Variants in MFSD6 observed in about 807,000 individuals in gnomAD.
MFSD6 encodes major facilitator superfamily domain-containing protein 6.
In MFSD6, 26 loss-of-function variants were observed where a neutral mutation model predicts 56.3. The ratio of observed to expected loss-of-function variants is 0.46; its 90% confidence interval spans 0.34 to 0.64. The LOEUF is 0.64. MFSD6 is among the 30% of genes least tolerant of loss of function. The probability of loss-of-function intolerance (pLI) is 0.01; values close to 1 mark genes in which losing one functional copy is unlikely to be tolerated. For synonymous variants in MFSD6, 331 were observed against 366.9 expected, an observed-to-expected ratio of 0.90 and a Z score of 1.12; for missense variants, 750 against 986.2, an observed-to-expected ratio of 0.76 and a Z score of 3.21.
rs912540843 is a variant in MFSD6, at chr2:190,413,905, T to A, written c.-175-1387T>A. On this transcript the variant is annotated intron_variant, in intron 1 of 7. Transcript: ENST00000392328. This position sits in a 1 kb window ranked among gnomAD's most constrained non-coding sequence, Gnocchi z 4.1. ...CTGAGCACTGGAGCAGTGGCAGGAGTGGGTCCCTGTGAGTCACGCTGGGAA... is the reference window on the plus strand; with the variant it reads ...CTGAGCACTGGAGCAGTGGCAGGAGAGGGTCCCTGTGAGTCACGCTGGGAA... Among the ~76,000 whole-genome samples the A allele has an allele frequency of 6.6e-6, 1 of 151,926 alleles. No individual in the cohort carries two copies. Among genetic ancestry groups the A allele is most frequent in the Admixed American group, 6.6e-5 (1 of 15,258 alleles).
In MFSD6 at chr2:190,496,932, G is replaced by A. The variant is rs1251702071; in HGVS notation, c.1892-507G>A. Among the ~76,000 whole-genome samples the A allele has an allele frequency of 6.6e-6, 1 of 152,000 alleles. No individual in the cohort carries two copies. Among genetic ancestry groups the A allele is most frequent in the Admixed American group, 6.6e-5 (1 of 15,258 alleles). On this transcript the variant is annotated intron_variant, in intron 6 of 7. Coordinates refer to ENST00000392328, the MANE Select transcript of MFSD6 (RefSeq NM_017694.4). The surrounding 1 kb of genome is among the most constrained non-coding windows in gnomAD (Gnocchi z 4.7). ...GGGGAAAGGGTGGGAAAGGGGTGAG[G>A]GATACAAGACTACAAATTGGGTTCA... is the stretch of plus-strand genomic sequence containing the variant.
At chr2:190,440,120 G>A (rs1391520156) in intron 3 of MFSD6, among the ~76,000 whole-genome samples, 1 of 152,202 alleles carries the variant, frequency 6.6e-6, no homozygotes, top group African/African-American at 2.4e-5. Flanking sequence ...TGTCCTGTTG[G>A]AAGTTTGTTT....
rs1187439648 is a variant in MFSD6, at chr2:190,436,383, C to T, written c.354C>T (p.Ala118=). The change falls in exon 3 of 8, where the codon GCC becomes GCT. Residue 118 remains alanine, a synonymous_variant. Transcript: ENST00000392328. The surrounding 1 kb of genome is among the most constrained non-coding windows in gnomAD (Gnocchi z 5.3). ...GTTACTTCATTGAATTCTGCAGTGC[C>T]CCCTTTTGGGGTGTAGTTGCAGACC... ...GIRYFIEFCS[A]PFWGVVADRF... 3 of 1,614,048 alleles carry T rather than the reference C, an allele frequency of 1.9e-6. No homozygotes were observed. Among genetic ancestry groups the T allele is most frequent in the African/African-American group, 2.7e-5 (2 of 74,922 alleles).
upstream of MFSD6, chr2:190,408,333 C>T (rs1690388021): frequency 6.6e-6 from 1 of 151,990 alleles, no homozygotes; most frequent in Admixed American, 6.6e-5. Flanking sequence ...CTCGCCTCGC[C>T]TCGCCGCGCC....
chr2:190,476,357 A>G (rs1270960849), intron 4 of MFSD6, among the ~76,000 whole-genome samples: 3 of 152,246 alleles, frequency 2.0e-5, no homozygotes, highest in Admixed American at 2.0e-4. Context: ...AAACAAATTT[A>G]TAAGAAAAAA....
intron 4 of MFSD6, among the ~76,000 whole-genome samples, chr2:190,479,460 C>T (rs778385134): frequency 6.6e-6 from 1 of 152,164 alleles, no homozygotes; most frequent in Non-Finnish European, 1.5e-5. Context: ...ATATTTATTT[C>T]TCAAGACCTC....
intron 4 of MFSD6, among the ~76,000 whole-genome samples, chr2:190,486,517 C>A (rs902420565): frequency 6.6e-6 from 1 of 152,236 alleles, no homozygotes; most frequent in African/African-American, 2.4e-5. Flanking sequence ...AGATTTCAGA[C>A]TCTCATCAGT....
chr2:190,438,015 T>C lies in MFSD6; in HGVS notation c.1532+454T>C, dbSNP rs780734276. 1.3e-5 allele frequency among the ~76,000 whole-genome samples: 2 copies of C among 152,186 alleles called. No individual in the cohort carries two copies. Among genetic ancestry groups the C allele is most frequent in the Non-Finnish European group, 2.9e-5 (2 of 68,022 alleles). On this transcript the variant is annotated intron_variant, in intron 3 of 7. Transcript: ENST00000392328. The surrounding 1 kb of genome is among the most constrained non-coding windows in gnomAD (Gnocchi z 5.2). The stretch of plus-strand genomic sequence containing the variant: ...ATAGATAGAGCCTGAATATATGGCA[T>C]CTAAAGATGTCCATTATATCTAATA...
rs1206142729 is a variant in MFSD6 at position 190,485,566 on chromosome 2, G to T, written c.1631-3091G>T. 1.3e-5 allele frequency among the ~76,000 whole-genome samples: 2 copies of T among 152,040 alleles called. No individual in the cohort carries two copies. Among genetic ancestry groups the T allele is most frequent in the Non-Finnish European group, 2.9e-5 (2 of 67,986 alleles). On this transcript the variant is annotated intron_variant, in intron 4 of 7. Coordinates refer to ENST00000392328, the MANE Select transcript of MFSD6 (RefSeq NM_017694.4). The surrounding 1 kb of genome is among the most constrained non-coding windows in gnomAD (Gnocchi z 5.1). ...GAAAAAAAATCTGCATATGTGAAAA[G>T]AAATGGACTTAGCATCATCTTTAAT...
chr2:190,418,102 C>T lies in MFSD6; in HGVS notation c.-54+2689C>T, dbSNP rs976681419. Among the ~76,000 whole-genome samples, 1 of 151,924 alleles carries T rather than the reference C, an allele frequency of 6.6e-6. No individual in the cohort carries two copies. Among genetic ancestry groups the T allele is most frequent in the African/African-American group, 2.4e-5 (1 of 41,332 alleles). On this transcript the variant is annotated intron_variant, in intron 2 of 7. Coordinates refer to ENST00000392328, the MANE Select transcript of MFSD6 (RefSeq NM_017694.4). The surrounding 1 kb of genome is among the most constrained non-coding windows in gnomAD (Gnocchi z 4.1). Reference sequence around the variant, plus strand: ...TTTTGGGATCCCTGTCTCATAGCTGCACAGTGCATTGAGAGTCAGTACCTG... The same window carrying T: ...TTTTGGGATCCCTGTCTCATAGCTGTACAGTGCATTGAGAGTCAGTACCTG...
rs939671082 is a variant in MFSD6 at position 190,451,492 on chromosome 2, G to A, written c.1532+13931G>A. Among the ~76,000 whole-genome samples, 3 of 152,216 alleles carry A rather than the reference G, an allele frequency of 2.0e-5. No individual in the cohort carries two copies. The highest frequency in any genetic ancestry group is 1.3e-4 in the Admixed American group (2 of 15,280). On this transcript the variant is annotated intron_variant, in intron 3 of 7. Transcript: ENST00000392328. This position sits in a 1 kb window ranked among gnomAD's most constrained non-coding sequence, Gnocchi z 5.0. ...ATAAGAAAGATAAAGGTCAGTCCTCGTGGGACTCACATTCTACTGGGGCAG... is the reference window on the plus strand; with the variant it reads ...ATAAGAAAGATAAAGGTCAGTCCTCATGGGACTCACATTCTACTGGGGCAG...
At position 190,478,908 on chromosome 2, in the gene MFSD6, A is replaced by T. The variant is rs555352400; in HGVS notation, c.1630+9053A>T. Reference sequence around the variant, plus strand: ...TTATCCCCAAAACACCACGAGAACTAGTACTGTCTAGTACTATCTAGAGGG... The same window carrying T: ...TTATCCCCAAAACACCACGAGAACTTGTACTGTCTAGTACTATCTAGAGGG... On this transcript the variant is annotated intron_variant, in intron 4 of 7. Coordinates refer to ENST00000392328, the MANE Select transcript of MFSD6 (RefSeq NM_017694.4). Among the ~76,000 whole-genome samples, 8 of 152,206 alleles carry T rather than the reference A, an allele frequency of 5.3e-5. No individual in the cohort carries two copies. The South Asian group carries it at 1.7e-3, about 32-fold the overall frequency.
chr2:190,441,489 T>C (rs958086577), intron 3 of MFSD6, among the ~76,000 whole-genome samples: 1 of 150,258 alleles, frequency 6.7e-6, no homozygotes, highest in Non-Finnish European at 1.5e-5. Flanking sequence ...GGGGCGGGGG[T>C]TGGGGGGAAA....
intron 2 of MFSD6, among the ~76,000 whole-genome samples, chr2:190,432,173 A>G (rs1686027077): frequency 1.3e-5 from 2 of 152,218 alleles, no homozygotes; most frequent in South Asian, 2.1e-4. Context: ...AGGTTTCAAT[A>G]TAAGCATCTA....
In MFSD6 at chr2:190,465,923, G is replaced by A. The variant is rs571424646; in HGVS notation, c.1533-3835G>A. ...CAGAAGAATCGCTTGAATCCGGGAG[G>A]CGGTGGTTACAGCAAACCAAGATCA... is the stretch of plus-strand genomic sequence containing the variant. On this transcript the variant is annotated intron_variant, in intron 3 of 7. Coordinates refer to ENST00000392328, the MANE Select transcript of MFSD6 (RefSeq NM_017694.4). The surrounding 1 kb of genome is among the most constrained non-coding windows in gnomAD (Gnocchi z 4.6). Among the ~76,000 whole-genome samples, 5 of 152,258 alleles carry A rather than the reference G, an allele frequency of 3.3e-5. No homozygotes were observed. Among genetic ancestry groups the A allele is most frequent in the South Asian group, 4.2e-4 (2 of 4,814 alleles).
intron 4 of MFSD6, among the ~76,000 whole-genome samples, chr2:190,475,046 G>A (rs1249201249): frequency 6.6e-6 from 1 of 152,108 alleles, no homozygotes; most frequent in East Asian, 1.9e-4. Flanking sequence ...AATAAATTAG[G>A]TATTGATGGG....
At position 190,412,725 on chromosome 2, in the gene MFSD6, G is replaced by C; in HGVS notation, c.-175-2567G>C. 5.0e-6 allele frequency: 3 copies of C among 604,752 alleles called. No individual in the cohort carries two copies. Among genetic ancestry groups the C allele is most frequent in the Non-Finnish European group, 6.2e-6 (3 of 482,528 alleles). 37.5% of individuals were successfully genotyped at this position (604,752 alleles called of 1,614,324 possible). A position where few individuals can be genotyped will look rare whatever the true frequency, so the allele number is the denominator to read the frequency against. Reference sequence around the variant, plus strand: ...TCTACTGGCATTTTGGGGGTGAGAGGGGCTTGTGTCAGCCTGATTTGTTTT... The same window carrying C: ...TCTACTGGCATTTTGGGGGTGAGAGCGGCTTGTGTCAGCCTGATTTGTTTT... On this transcript the variant is annotated intron_variant, in intron 1 of 7. Coordinates refer to ENST00000392328, the MANE Select transcript of MFSD6 (RefSeq NM_017694.4). The surrounding 1 kb of genome is among the most constrained non-coding windows in gnomAD (Gnocchi z 4.1).
chr2:190,486,587 G>C (rs1032222609), intron 4 of MFSD6, among the ~76,000 whole-genome samples: 10 of 152,192 alleles, frequency 6.6e-5, no homozygotes, highest in African/African-American at 2.4e-4. Flanking sequence ...CCTTGTTGCT[G>C]ATGTCCCTCA....
intron 4 of MFSD6, among the ~76,000 whole-genome samples, chr2:190,483,562 C>A (rs568598331): frequency 6.6e-6 from 1 of 152,118 alleles, no homozygotes; most frequent in Non-Finnish European, 1.5e-5. Flanking sequence ...CAGGGTTGGG[C>A]GCAGTGGCTC....
Sources: gnomAD v4.1 joint callset for allele counts (sites outside exome capture counted in the v4.1 genomes callset) on GRCh38, gnomAD v4.1.1 for gene constraint, Gnocchi (gnomAD v3.1) non-coding constraint, MANE v1.5 for transcripts, NCBI Gene and HGNC (gene_info 2026-07-23, HGNC 2026-07-21) for gene names.